Variants in AMMECR1 observed in about 807,000 individuals in gnomAD.
The protein encoded by AMMECR1 is nuclear protein AMMECR1.
AMMECR1 carries 3 observed loss-of-function variants against 22.5 expected under a neutral mutation model. That is an observed-to-expected ratio of 0.13 (90% CI 0.06 to 0.35). The LOEUF (loss-of-function observed/expected upper bound fraction) is 0.35, where lower values mean the gene tolerates loss of function less well. AMMECR1 is among the 10% of genes least tolerant of loss of function. The pLI is 1.00. For synonymous variants in AMMECR1, 130 were observed against 116.7 expected, an observed-to-expected ratio of 1.11 and a Z score of -0.74; for missense variants, 235 against 278.7, an observed-to-expected ratio of 0.84 and a Z score of 1.12.
chrX:110,299,059 GTACTT>G (rs1489260763), intron 1 of AMMECR1, among the ~76,000 whole-genome samples: 1 of 111,095 alleles, frequency 9.0e-6, no homozygotes, highest in Admixed American at 9.6e-5. Context: ...TGAATCTTGT[GTACTT>G]TAAAGTTAAT....
intron 2 of AMMECR1, among the ~76,000 whole-genome samples, chrX:110,328,462 A>T (rs1456678645): frequency 2.3e-4 from 17 of 72,752 alleles, no homozygotes; most frequent in Non-Finnish European, 2.2e-4. Context: ...TAGATGTTTG[A>T]CTCTTTTTTT....
At chrX:110,326,156 A>AT (rs1446303727) in intron 2 of AMMECR1, among the ~76,000 whole-genome samples, 9 of 109,050 alleles carry the variant, frequency 8.3e-5, no homozygotes, top group African/African-American at 1.3e-4. Flanking sequence ...CGCCTGGCTA[A>AT]TTTTTTTGTA....
chrX:110,227,371 T>C (rs2067539179), intron 2 of AMMECR1, among the ~76,000 whole-genome samples: 1 of 111,954 alleles, frequency 8.9e-6, no homozygotes. Flanking sequence ...TGTTTATAAT[T>C]TTCTGCATAT....
chrX:110,427,581 C>T (rs754946388), intron 1 of AMMECR1, among the ~76,000 whole-genome samples: 1 of 111,941 alleles, frequency 8.9e-6, no homozygotes, highest in East Asian at 2.8e-4. Context: ...AGTTCTAATG[C>T]CTCTCCTGCA....
intron 2 of AMMECR1, among the ~76,000 whole-genome samples, chrX:110,349,743 G>A (rs1279825030): frequency 9.0e-6 from 1 of 111,693 alleles, no homozygotes; most frequent in Non-Finnish European, 1.9e-5. Flanking sequence ...ACAATTCTGA[G>A]TTAGGTATTA....
rs57937918 is a variant in AMMECR1 at position 110,387,857 on chromosome X, C to CTTT, written c.-148+38798_-148+38800dup. 1.6e-3 allele frequency among the ~76,000 whole-genome samples: 136 copies of CTTT among 82,774 alleles called. 2 individuals carry two copies. Among genetic ancestry groups the CTTT allele is most frequent in the Middle Eastern group, 6.5e-3 (1 of 153 alleles). The allele number at this position is 82,774 out of a possible 115,157, so 71.9% of individuals were successfully genotyped here. The stretch of plus-strand genomic sequence containing the variant: ...TGATATGATCGTTATCTCCCTCTCT[C>CTTT]TTTTTTTTTTTTTTTTTTTTTTGAG... On this transcript the variant is annotated intron_variant, in intron 2 of 7. Coordinates refer to the AMMECR1 transcript ENST00000372057.
At position 110,287,022 on chromosome X, in the gene AMMECR1, G is replaced by A. The variant is rs150487870; in HGVS notation, c.474-22423C>T. 3.4e-3 allele frequency among the ~76,000 whole-genome samples: 381 copies of A among 112,102 alleles called. 4 individuals carry two copies. Among genetic ancestry groups the A allele is most frequent in the African/African-American group, 0.012 (364 of 30,890 alleles). On this transcript the variant is annotated intron_variant, in intron 1 of 5. Coordinates refer to ENST00000262844, the MANE Select transcript of AMMECR1 (RefSeq NM_015365.3). Reference sequence around the variant, plus strand: ...AAGAGATAATGGTCTTACTGCCAATGATTCTGTCAATTATGAGACCAGCTA... The same window carrying A: ...AAGAGATAATGGTCTTACTGCCAATAATTCTGTCAATTATGAGACCAGCTA...
intron 2 of AMMECR1, among the ~76,000 whole-genome samples, chrX:110,217,026 T>TTA (rs942210240): frequency 6.4e-5 from 7 of 109,551 alleles, no homozygotes; most frequent in East Asian, 2.8e-4. Flanking sequence ...GGCAGTAAAA[T>TTA]TATATATATA....
intron 2 of AMMECR1, among the ~76,000 whole-genome samples, chrX:110,328,604 T>C (rs1241266983): frequency 2.8e-5 from 3 of 109,033 alleles, no homozygotes; most frequent in Non-Finnish European, 5.7e-5. Context: ...CTCCTAATGC[T>C]ATCCCTCCCC....
intron 1 of AMMECR1, among the ~76,000 whole-genome samples, chrX:110,309,896 G>A (rs989515712): frequency 2.7e-5 from 3 of 112,564 alleles, no homozygotes; most frequent in Admixed American, 9.4e-5. Context: ...GCTTTATCTT[G>A]CTCAAGGCTG....
rs1416102621 is a variant in AMMECR1 at position 110,195,195 on chromosome X, G to A, written c.*3325C>T. 8.9e-6 allele frequency: 1 copy of A among 112,032 alleles called. No individual in the cohort carries two copies. The highest frequency in any genetic ancestry group is 1.9e-5 in the Non-Finnish European group (1 of 53,208). The allele number at this position is 112,032 out of a possible 1,213,427, so 9.2% of individuals were successfully genotyped here. ...AGAGGCCAGTATACAAACTTCCGGT[G>A]TGCTGGGCACTGGGACTGTATGTGC... On this transcript the variant is annotated 3_prime_UTR_variant, in exon 6 of 6. Transcript: ENST00000262844.
intron 1 of AMMECR1, among the ~76,000 whole-genome samples, chrX:110,432,556 G>A (rs926617665): frequency 5.4e-5 from 6 of 112,044 alleles, no homozygotes; most frequent in South Asian, 3.8e-4. Flanking sequence ...ACCTGTGAGC[G>A]TGGCACCTCA....
chrX:110,243,310 T>C (rs1193286882), intron 2 of AMMECR1, among the ~76,000 whole-genome samples: 1 of 112,095 alleles, frequency 8.9e-6, no homozygotes, highest in East Asian at 2.8e-4. Context: ...CAGAGGACCC[T>C]TTGGATACAG....
intron 2 of AMMECR1, among the ~76,000 whole-genome samples, chrX:110,362,087 A>T (rs1311095107): frequency 8.9e-6 from 1 of 111,862 alleles, no homozygotes; most frequent in Non-Finnish European, 1.9e-5. Context: ...TAGGCACATG[A>T]TTTATTTTAC....
At chrX:110,244,863 T>C (rs1394292458) in intron 2 of AMMECR1, among the ~76,000 whole-genome samples, 1 of 112,428 alleles carries the variant, frequency 8.9e-6, no homozygotes, top group Non-Finnish European at 1.9e-5. Flanking sequence ...ACACTGAATG[T>C]ATCTTTCAAT....
intron 2 of AMMECR1, chrX:110,219,404 TC>T (rs1233618126): frequency 1.3e-6 from 1 of 751,537 alleles, no homozygotes; most frequent in Non-Finnish European, 1.6e-6. Context: ...CATGCTGAAG[TC>T]GCTATACAGT....
intron 2 of AMMECR1, among the ~76,000 whole-genome samples, chrX:110,339,072 A>G (rs1283500418): frequency 9.0e-6 from 1 of 111,716 alleles, no homozygotes; most frequent in Non-Finnish European, 1.9e-5. Context: ...ACCTTTGAGT[A>G]AAAAATTAAA....
At chrX:110,213,412 GTTCA>G (rs2067457024) in intron 3 of AMMECR1, among the ~76,000 whole-genome samples, 1 of 112,340 alleles carries the variant, frequency 8.9e-6, no homozygotes, top group East Asian at 2.8e-4. Context: ...TGTATTCATG[GTTCA>G]TTCATGTTGT....
At chrX:110,405,492 A>C (rs1261747689) in intron 2 of AMMECR1, among the ~76,000 whole-genome samples, 3 of 111,843 alleles carry the variant, frequency 2.7e-5, no homozygotes, top group African/African-American at 9.8e-5. Context: ...AGTGCTCCAG[A>C]AGGGAGGGAA....
Sources: allele counts gnomAD v4.1 joint callset (sites outside exome capture counted in the v4.1 genomes callset), GRCh38; gene constraint gnomAD v4.1.1; transcripts MANE v1.5; gene names NCBI Gene and HGNC (gene_info 2026-07-23, HGNC 2026-07-21).